The following ABCE1 variants were observed in gnomAD, a reference collection of about 807,000 sequenced individuals.
ABCE1 encodes the protein ATP-binding cassette sub-family E member 1.
Under a neutral mutation model 83.4 loss-of-function variants are expected in ABCE1, and 22 were observed. The observed-to-expected ratio is 0.26, with a 90% CI of 0.19 to 0.38. The LOEUF (loss-of-function observed/expected upper bound fraction) is 0.38. ABCE1 is among the 10% of genes least tolerant of loss of function. The pLI is 1.00. For missense variants in ABCE1, 330 were observed against 721.9 expected, an observed-to-expected ratio of 0.46 and a Z score of 6.22; for synonymous variants, 204 against 233.7, an observed-to-expected ratio of 0.87 and a Z score of 1.16.
intron 1 of ABCE1, among the ~76,000 whole-genome samples, chr4:145,100,342 C>T (rs1025876755): frequency 3.9e-5 from 6 of 152,160 alleles, no homozygotes; most frequent in African/African-American, 1.4e-4. Context: ...AGCAAGATCC[C>T]TGTGTCTTTT....
At chr4:145,127,281 CTTATAT>C (rs1410023724) in intron 17 of ABCE1, among the ~76,000 whole-genome samples, 1 of 152,084 alleles carries the variant, frequency 6.6e-6, no homozygotes. Flanking sequence ...TGTGAGGCAT[CTTATAT>C]AAAGGGACTT....
At chr4:145,104,361 A>T in intron 1 of ABCE1, 25 bp from the exon 2 acceptor site, 1 of 1,247,518 alleles carries the variant, frequency 8.0e-7, no homozygotes, top group Non-Finnish European at 1.1e-6. Context: ...TAATGGCATT[A>T]AATTTGTTGA....
intron 9 of ABCE1, among the ~76,000 whole-genome samples, chr4:145,116,332 GA>G (rs1749606459): frequency 6.6e-6 from 1 of 151,546 alleles, no homozygotes. Context: ...AGATATGAAA[GA>G]AATACGAGGG....
At chr4:145,119,894 T>C in intron 10 of ABCE1, 38 bp from the exon 11 acceptor site, 1 of 1,516,226 alleles carries the variant, frequency 6.6e-7, no homozygotes, top group South Asian at 1.2e-5. Context: ...ATTTTGGCTC[T>C]AATGATTTCT....
chr4:145,126,998 T>C (rs571601874), intron 17 of ABCE1, among the ~76,000 whole-genome samples: 1 of 152,326 alleles, frequency 6.6e-6, no homozygotes, highest in South Asian at 2.1e-4. Context: ...GACAGACTTA[T>C]GGTTCAGTCA....
intron 9 of ABCE1, among the ~76,000 whole-genome samples, chr4:145,112,857 T>C (rs1307356709): frequency 6.6e-6 from 1 of 152,210 alleles, no homozygotes; most frequent in Non-Finnish European, 1.5e-5. Context: ...CTTTAGATGG[T>C]ATTCCTATTT....
At chr4:145,112,168 T>G (rs1749495131) in intron 8 of ABCE1, 71 bp from the exon 9 acceptor site, 2 of 1,132,686 alleles carry the variant, frequency 1.8e-6, no homozygotes, top group Non-Finnish European at 2.5e-6. Flanking sequence ...TACAGTGCTT[T>G]AAAATAGTAT....
Position 145,099,698 on chromosome 4 carries a change from T to C in ABCE1, c.-28+1279T>C, listed in dbSNP as rs115022341. On this transcript the variant is annotated intron_variant, in intron 1 of 17. Coordinates refer to ENST00000296577, the MANE Select transcript of ABCE1 (RefSeq NM_002940.3). ...CTAACTTCTACGTGTTTTGTAAGAC[T>C]AATAAACTACAATAAGCATGGGTTA... Among the ~76,000 whole-genome samples, 374 of 152,320 alleles carry C rather than the reference T, an allele frequency of 2.5e-3. 1 individual carries two copies. Among genetic ancestry groups the C allele is most frequent in the African/African-American group, 8.3e-3 (346 of 41,572 alleles).
At chr4:145,125,155 T>C in intron 17 of ABCE1, 54 bp downstream of exon 17, 1 of 1,269,732 alleles carries the variant, frequency 7.9e-7, no homozygotes, top group Non-Finnish European at 1.1e-6. Context: ...TATAAACACT[T>C]GAAAGGCTAT....
intron 2 of ABCE1, 90 bp downstream of exon 2, chr4:145,104,605 C>T (rs1749249709): frequency 1.2e-6 from 1 of 801,490 alleles, no homozygotes; most frequent in Non-Finnish European, 1.8e-6. Context: ...TTAACATAAA[C>T]TTTGTGTTCA....
rs551478301 is a variant in ABCE1, at chr4:145,109,933, C to T, written c.406-170C>T. Among the ~76,000 whole-genome samples, 4 of 152,242 alleles carry T rather than the reference C, an allele frequency of 2.6e-5. No homozygotes were observed. In the East Asian group the frequency reaches 7.7e-4, roughly 29 times the overall value. ...ACATAATATCTGTTCTGTTTTCTTT[C>T]TTTGCTGCTATAGGGAAATGAGACT... On this transcript the variant is annotated intron_variant, in intron 5 of 17. Transcript: ENST00000296577.
intron 13 of ABCE1, chr4:145,121,598 G>T: frequency 2.1e-6 from 1 of 478,714 alleles, no homozygotes; most frequent in Non-Finnish European, 3.7e-6. Context: ...CTTTGGCCGG[G>T]TGCAGTAGCT....
intron 3 of ABCE1, among the ~76,000 whole-genome samples, chr4:145,107,233 A>G (rs1048912978): frequency 1.3e-5 from 2 of 152,130 alleles, no homozygotes; most frequent in Admixed American, 1.3e-4. Context: ...GATAAAAGTC[A>G]TAATGGAAAG....
rs79563368 is a variant in ABCE1, at chr4:145,109,672, T to C, written c.405+423T>C. 4.2e-3 allele frequency among the ~76,000 whole-genome samples: 644 copies of C among 152,322 alleles called. 6 individuals are homozygous for C. The highest frequency in any genetic ancestry group is 0.015 in the African/African-American group (609 of 41,576). Reference sequence around the variant, plus strand: ...AGTTAGATATTTTTATTTGTAGATATTATAAAATGGAGCTTCACCAGAGTG... The same window carrying C: ...AGTTAGATATTTTTATTTGTAGATACTATAAAATGGAGCTTCACCAGAGTG... On this transcript the variant is annotated intron_variant, in intron 5 of 17. Transcript: ENST00000296577.
intron 7 of ABCE1, 188 bp from the exon 8 acceptor site, chr4:145,110,780 A>G: frequency 1.8e-6 from 1 of 556,630 alleles, no homozygotes; most frequent in Admixed American, 3.4e-5. Flanking sequence ...TATATATTTC[A>G]ATAGGCCCTG....
intron 17 of ABCE1, 64 bp downstream of exon 17, chr4:145,125,165 T>C: frequency 2.4e-6 from 3 of 1,226,910 alleles, no homozygotes; most frequent in South Asian, 2.6e-5. Flanking sequence ...TGAAAGGCTA[T>C]TTAAAAATCA....
At chr4:145,119,611 A>G (rs1394380755) in intron 10 of ABCE1, among the ~76,000 whole-genome samples, 1 of 151,954 alleles carries the variant, frequency 6.6e-6, no homozygotes, top group Non-Finnish European at 1.5e-5. Context: ...ATACTCTTAC[A>G]TATTTGTCAT....
intron 4 of ABCE1, 100 bp downstream of exon 4, chr4:145,108,212 C>G (rs1290417324): frequency 2.0e-6 from 2 of 1,005,402 alleles, no homozygotes; most frequent in Non-Finnish European, 3.1e-6. Context: ...TGCTATTAAC[C>G]AGTCACTAAA....
At chr4:145,116,607 A>T (rs753789945) in intron 9 of ABCE1, among the ~76,000 whole-genome samples, 4 of 151,992 alleles carry the variant, frequency 2.6e-5, no homozygotes. Context: ...ATGGGAATAA[A>T]GTGCTACATA....
Sources: gnomAD v4.1 joint callset for allele counts (sites outside exome capture counted in the v4.1 genomes callset) on GRCh38, gnomAD v4.1.1 for gene constraint, MANE v1.5 for transcripts, NCBI Gene and HGNC (gene_info 2026-07-23, HGNC 2026-07-21) for gene names.